CEP170: variants seen among roughly 807,000 people sequenced by gnomAD.
CEP170 encodes centrosomal protein of 170 kDa.
In CEP170, 21 loss-of-function variants were observed where a neutral mutation model predicts 151.9. The ratio of observed to expected loss-of-function variants is 0.14; its 90% CI spans 0.10 to 0.20. CEP170 has a LOEUF of 0.20. Among genes scored for constraint, CEP170 ranks in the 10% least tolerant of loss-of-function variants. The pLI is 1.00. For missense variants in CEP170, 964 were observed against 1,892.9 expected, an observed-to-expected ratio of 0.51 and a Z score of 9.11; for synonymous variants, 356 against 648.8, an observed-to-expected ratio of 0.55 and a Z score of 6.86.
At chr1:243,146,044 G>T (rs572382218) in intron 14 of CEP170, among the ~76,000 whole-genome samples, 1 of 152,142 alleles carries the variant, frequency 6.6e-6, no homozygotes, top group Non-Finnish European at 1.5e-5. Flanking sequence ...AAAGTCTAAC[G>T]TCAATTATTC....
intron 12 of CEP170, among the ~76,000 whole-genome samples, chr1:243,167,295 A>C (rs1473700990): frequency 6.6e-6 from 1 of 152,044 alleles, no homozygotes; most frequent in Non-Finnish European, 1.5e-5. Flanking sequence ...CGATTAAAAG[A>C]ATTTTAAAAA....
intron 7 of CEP170, among the ~76,000 whole-genome samples, chr1:243,194,376 T>A (rs1385527745): frequency 6.6e-6 from 1 of 151,994 alleles, no homozygotes; most frequent in Non-Finnish European, 1.5e-5. Flanking sequence ...TATTGATATA[T>A]ATAATAGTAA....
chr1:243,247,909 C>T (rs970629652), intron 1 of CEP170, among the ~76,000 whole-genome samples: 4 of 152,210 alleles, frequency 2.6e-5, no homozygotes, highest in South Asian at 2.1e-4. Context: ...ACATCTACCT[C>T]GTTTGGCTAC....
At chr1:243,221,536 T>C in intron 3 of CEP170, 188 bp downstream of exon 3, 1 of 540,634 alleles carries the variant, frequency 1.8e-6, no homozygotes, top group Non-Finnish European at 3.2e-6. Context: ...GCTTATAGTT[T>C]CTTTGGAATA....
intron 14 of CEP170, among the ~76,000 whole-genome samples, chr1:243,150,005 A>C (rs1246949239): frequency 6.6e-6 from 1 of 152,046 alleles, no homozygotes; most frequent in Non-Finnish European, 1.5e-5. Context: ...GTTTTCAAAT[A>C]TATTTGATCA....
intron 7 of CEP170, among the ~76,000 whole-genome samples, chr1:243,195,940 TAAGGA>T (rs1030980900): frequency 6.6e-6 from 1 of 151,930 alleles, no homozygotes; most frequent in Non-Finnish European, 1.5e-5. Context: ...CAGGGCACTT[TAAGGA>T]ATTTGACACA....
chr1:243,218,539 A>G (rs1310985798), intron 3 of CEP170, among the ~76,000 whole-genome samples: 1 of 152,222 alleles, frequency 6.6e-6, no homozygotes, highest in African/African-American at 2.4e-5. Flanking sequence ...TGTAAATTGT[A>G]GATCTAGGTC....
At chr1:243,149,701 A>G (rs2056879234) in intron 14 of CEP170, among the ~76,000 whole-genome samples, 2 of 152,212 alleles carry the variant, frequency 1.3e-5, no homozygotes, top group South Asian at 4.1e-4. Flanking sequence ...ATTACAACCC[A>G]AAATGTAGTA....
At chr1:243,231,773 G>GA (rs1194073548) in intron 1 of CEP170, among the ~76,000 whole-genome samples, 5 of 151,984 alleles carry the variant, frequency 3.3e-5, no homozygotes, top group African/African-American at 7.3e-5. Flanking sequence ...AAGAATAAAA[G>GA]AAAAAACACA....
chr1:243,166,181 T>C, intron 12 of CEP170, 65 bp from the exon 13 acceptor site: 1 of 1,550,354 alleles, frequency 6.5e-7, no homozygotes, highest in Non-Finnish European at 8.7e-7. Context: ...AAAAGGAGCA[T>C]CATACAGTTG....
intron 16 of CEP170, among the ~76,000 whole-genome samples, chr1:243,138,193 CAT>C (rs2055364643): frequency 6.6e-6 from 1 of 152,202 alleles, no homozygotes; most frequent in Admixed American, 6.5e-5. Context: ...TCTTTAAAAA[CAT>C]ACACTTCTTC....
intron 13 of CEP170, among the ~76,000 whole-genome samples, chr1:243,157,817 T>G (rs893108810): frequency 1.3e-5 from 2 of 152,218 alleles, no homozygotes; most frequent in African/African-American, 4.8e-5. Context: ...ACGAGGAATA[T>G]GCCATAAATT....
intron 7 of CEP170, among the ~76,000 whole-genome samples, chr1:243,193,176 C>T (rs1022806656): frequency 1.3e-5 from 2 of 152,006 alleles, no homozygotes; most frequent in Non-Finnish European, 2.9e-5. Context: ...ACTCTGAAGT[C>T]ATGTTAGTTA....
intron 3 of CEP170, among the ~76,000 whole-genome samples, chr1:243,214,916 A>T (rs1031023826): frequency 3.6e-4 from 55 of 152,190 alleles, no homozygotes; most frequent in Admixed American, 7.2e-4. Context: ...TATTTTTTTT[A>T]AAAAAGGGTC....
rs143149106 is a variant in CEP170, at chr1:243,228,464, T to C, written c.-41-3143A>G. ...ATTTCTTTCCCTGGTTCAGAATATA[T>C]ACTTCCTGGCCAAGTCTATAAAGGT... On this transcript the variant is annotated intron_variant, in intron 1 of 19. Transcript: ENST00000366542. Among the ~76,000 whole-genome samples, 233 of 152,316 alleles carry C rather than the reference T, an allele frequency of 1.5e-3. 2 individuals are homozygous for C. The highest frequency in any genetic ancestry group is 8.1e-4 in the Non-Finnish European group (55 of 68,018).
chr1:243,219,078 T>C (rs1466343367), intron 3 of CEP170, among the ~76,000 whole-genome samples: 1 of 152,246 alleles, frequency 6.6e-6, no homozygotes, highest in Non-Finnish European at 1.5e-5. Context: ...CTTTTGACAT[T>C]TTTTGGCTGC....
chr1:243,164,131 A>AC (rs149859821), intron 13 of CEP170, among the ~76,000 whole-genome samples, 153 bp downstream of exon 13: 3 of 150,662 alleles, frequency 2.0e-5, no homozygotes, highest in Admixed American at 1.3e-4. Context: ...TGTTTTATAG[A>AC]CCCCCCACCG....
intron 13 of CEP170, among the ~76,000 whole-genome samples, chr1:243,163,879 T>A (rs1418954094): frequency 6.6e-6 from 1 of 152,238 alleles, no homozygotes; most frequent in East Asian, 1.9e-4. Flanking sequence ...TTGAATTATG[T>A]GAGGATATTT....
chr1:243,184,214 C>T (rs1451651076), intron 10 of CEP170, among the ~76,000 whole-genome samples: 1 of 151,812 alleles, frequency 6.6e-6, no homozygotes, highest in Non-Finnish European at 1.5e-5. Flanking sequence ...CTAGTGATAT[C>T]GCCTCTGTTT....
Sources: gnomAD v4.1 joint callset for allele counts (sites outside exome capture counted in the v4.1 genomes callset) on GRCh38, gnomAD v4.1.1 for gene constraint, MANE v1.5 for transcripts, NCBI Gene and HGNC (gene_info 2026-07-23, HGNC 2026-07-21) for gene names.